The following GNAQ variants were observed in gnomAD, a reference collection of about 807,000 sequenced individuals.
The protein encoded by GNAQ is G protein subunit alpha q, also known as guanine nucleotide-binding protein G(q) subunit alpha.
In GNAQ, 8 loss-of-function variants were observed where a neutral mutation model predicts 43.9. The ratio of observed to expected loss-of-function variants is 0.18; its 90% CI spans 0.11 to 0.33. The LOEUF is 0.33. Among genes scored for constraint, GNAQ ranks in the 10% least tolerant of loss-of-function variants. The probability of loss-of-function intolerance (pLI) is 1.00; values close to 1 mark genes in which losing one functional copy is unlikely to be tolerated. For missense variants in GNAQ, 158 were observed against 450.8 expected (o/e 0.35, Z 5.88); for synonymous variants, 155 against 170.7 (o/e 0.91, Z 0.71).
intron 2 of GNAQ, among the ~76,000 whole-genome samples, chr9:77,914,088 T>C (rs1394128066): frequency 2.0e-5 from 3 of 152,164 alleles, no homozygotes; most frequent in Admixed American, 2.0e-4. Context: ...CATATTCATC[T>C]GCTATTTTTA....
At chr9:77,728,998 A>G (rs1825443651) in intron 5 of GNAQ, among the ~76,000 whole-genome samples, 1 of 152,254 alleles carries the variant, frequency 6.6e-6, no homozygotes, top group African/African-American at 2.4e-5. Context: ...ATCAAAAATC[A>G]TTCATTAATG....
chr9:77,744,286 T>C (rs1825697091), intron 5 of GNAQ, among the ~76,000 whole-genome samples: 2 of 152,186 alleles, frequency 1.3e-5, no homozygotes, highest in African/African-American at 4.8e-5. Flanking sequence ...CAGGACTAAC[T>C]GTGGGAAGAA....
chr9:77,941,583 T>C (rs1431647874), intron 1 of GNAQ, among the ~76,000 whole-genome samples: 1 of 152,178 alleles, frequency 6.6e-6, no homozygotes, highest in Non-Finnish European at 1.5e-5. Flanking sequence ...TGTATACGTT[T>C]CTGCTCTAGT....
chr9:77,923,827 G>A (rs1045434980), intron 1 of GNAQ, among the ~76,000 whole-genome samples: 10 of 152,122 alleles, frequency 6.6e-5, no homozygotes, highest in African/African-American at 2.2e-4. Context: ...AGGAAGAGAG[G>A]GAGGGAAGGA....
chr9:78,017,411 TG>T (rs2118595111), intron 1 of GNAQ, among the ~76,000 whole-genome samples: 1 of 152,346 alleles, frequency 6.6e-6, no homozygotes, highest in South Asian at 2.1e-4. Flanking sequence ...TATATTAACA[TG>T]GCAAGACATC....
At chr9:77,916,210 T>C (rs915824097) in intron 2 of GNAQ, among the ~76,000 whole-genome samples, 4 of 152,210 alleles carry the variant, frequency 2.6e-5, no homozygotes, top group Admixed American at 2.0e-4. Context: ...CCAGTGTTGG[T>C]TTCTGTTGCT....
At chr9:78,003,002 AG>A (rs1199608740) in intron 1 of GNAQ, among the ~76,000 whole-genome samples, 2 of 152,216 alleles carry the variant, frequency 1.3e-5, no homozygotes, top group Non-Finnish European at 2.9e-5. Flanking sequence ...CCATATAAGA[AG>A]TTTTCAAAAC....
chr9:77,895,797 A>G lies in GNAQ; in HGVS notation c.321+26364T>C, dbSNP rs114005688. 4.6e-3 allele frequency among the ~76,000 whole-genome samples: 708 copies of G among 152,270 alleles called. 5 individuals are homozygous for G. The highest frequency in any genetic ancestry group is 0.016 in the African/African-American group (655 of 41,536). ...GATGGATCTTTCCGGTGCTGTTCGC[A>G]TAATGGTGAATGGGTCTCATGAGAT... is the stretch of plus-strand genomic sequence containing the variant. On this transcript the variant is annotated intron_variant, in intron 2 of 6. Transcript: ENST00000286548.
intron 5 of GNAQ, among the ~76,000 whole-genome samples, chr9:77,733,812 C>T (rs1388126657): frequency 1.3e-5 from 2 of 152,096 alleles, no homozygotes; most frequent in African/African-American, 4.8e-5. Flanking sequence ...TGGGGTGACA[C>T]AGAAGGAAAG....
Position 77,720,522 on chromosome 9 carries a change from A to C in GNAQ, c.*801T>G, listed in dbSNP as rs1854326. On this transcript the variant is annotated 3_prime_UTR_variant, in exon 7 of 7. Transcript: ENST00000286548. ...GCAATTGAAAGAGAGGGTAAGAAAA[A>C]GAAGCAAAGAAGGGAGGAAAGACAA... 0.065 allele frequency: 15,152 copies of C among 233,404 alleles called. 1,208 individuals are homozygous for C. The highest frequency in any genetic ancestry group is 0.23 in the East Asian group (3,820 of 16,542). 14.5% of individuals were successfully genotyped at this position (233,404 alleles called of 1,614,324 possible).
At chr9:77,917,266 A>C (rs1188755290) in intron 2 of GNAQ, among the ~76,000 whole-genome samples, 1 of 152,196 alleles carries the variant, frequency 6.6e-6, no homozygotes, top group Non-Finnish European at 1.5e-5. Context: ...TTGGCCACAT[A>C]AACACAGGCA....
chr9:77,808,055 CTG>C (rs746854716), intron 3 of GNAQ, among the ~76,000 whole-genome samples: 5 of 152,134 alleles, frequency 3.3e-5, no homozygotes, highest in Non-Finnish European at 5.9e-5. Flanking sequence ...TGAGTAAAGA[CTG>C]TGGAAAGGCC....
chr9:77,716,890 T>G lies in GNAQ; in HGVS notation c.*4433A>C. 1 of 232,832 alleles carries G rather than the reference T, an allele frequency of 4.3e-6. No homozygotes were observed. The highest frequency in any genetic ancestry group is 2.2e-5 in the African/African-American group (1 of 45,450). The allele number at this position is 232,832 out of a possible 1,614,324, so 14.4% of individuals were successfully genotyped here. On this transcript the variant is annotated 3_prime_UTR_variant, in exon 7 of 7. Transcript: ENST00000286548. ...TATTCATACTTTGAACATATGATTC[T>G]AGAGGCAAGAGTGTTATTGAAAGGG...
At chr9:77,802,772 T>A (rs750967653) in intron 3 of GNAQ, among the ~76,000 whole-genome samples, 1 of 152,154 alleles carries the variant, frequency 6.6e-6, no homozygotes, top group Non-Finnish European at 1.5e-5. Context: ...GAAGCTCCCA[T>A]GTTTTACATA....
rs530422506 is a variant in GNAQ at position 77,893,793 on chromosome 9, T to C, written c.321+28368A>G. 1.4e-4 allele frequency among the ~76,000 whole-genome samples: 21 copies of C among 152,272 alleles called. No individual in the cohort carries two copies. In the South Asian group the frequency reaches 3.1e-3, roughly 23 times the overall value. On this transcript the variant is annotated intron_variant, in intron 2 of 6. Transcript: ENST00000286548. ...GTAAATTTATGGATTCTTGTCTATT[T>C]GGCACCTGAAGAAGAATTCAAGGAA...
intron 1 of GNAQ, among the ~76,000 whole-genome samples, chr9:77,949,867 C>T (rs528712115): frequency 6.6e-6 from 1 of 152,144 alleles, no homozygotes; most frequent in Non-Finnish European, 1.5e-5. Flanking sequence ...CTCCAATTCC[C>T]CCTTGAATTT....
chr9:77,750,329 A>G (rs1322721732), intron 5 of GNAQ, among the ~76,000 whole-genome samples: 3 of 152,182 alleles, frequency 2.0e-5, no homozygotes, highest in Non-Finnish European at 4.4e-5. Flanking sequence ...AACCAAGCAA[A>G]CAAAGCATTC....
chr9:77,978,716 T>C (rs2118486910), intron 1 of GNAQ, among the ~76,000 whole-genome samples: 1 of 152,288 alleles, frequency 6.6e-6, no homozygotes, highest in East Asian at 1.9e-4. Context: ...TTTCTTACAC[T>C]CCACTAAATG....
At chr9:77,867,343 T>C (rs560354874) in intron 2 of GNAQ, among the ~76,000 whole-genome samples, 4 of 152,342 alleles carry the variant, frequency 2.6e-5, no homozygotes, top group African/African-American at 9.6e-5. Context: ...ATTACTGTTT[T>C]CCTTTTCTAA....
Sources: allele counts gnomAD v4.1 joint callset (sites outside exome capture counted in the v4.1 genomes callset), GRCh38; gene constraint gnomAD v4.1.1; transcripts MANE v1.5; gene names NCBI Gene and HGNC (gene_info 2026-07-23, HGNC 2026-07-21).